Variants in PLGLB1 observed in about 807,000 individuals in gnomAD.
The protein encoded by PLGLB1 is plasminogen like B1.
chr2:87,020,924 A>G (rs1405917003), intron 1 of PLGLB1, among the ~76,000 whole-genome samples: 1 of 151,580 alleles, frequency 6.6e-6, no homozygotes, highest in Admixed American at 6.6e-5. Context: ...GCTTAAATCC[A>G]GTTTTCTTTA....
chr2:87,014,762 CTTATT>C (rs1226059683), intron 3 of PLGLB1, among the ~76,000 whole-genome samples: 2 of 117,362 alleles, frequency 1.7e-5, no homozygotes, highest in African/African-American at 6.2e-5. Flanking sequence ...GTCTTTGGGT[CTTATT>C]TTAAGGGCAC....
chr2:87,014,771 AG>A (rs1229494831), intron 3 of PLGLB1, among the ~76,000 whole-genome samples: 2 of 115,634 alleles, frequency 1.7e-5, no homozygotes, highest in African/African-American at 6.3e-5. Context: ...TCTTATTTTA[AG>A]GGCACTAGGA....
rs1682269068 is a variant in PLGLB1, at chr2:87,013,398, A to G, written c.*2-279T>C. 14 of 139,358 alleles carry G rather than the reference A, an allele frequency of 1.0e-4. No individual in the cohort carries two copies. The South Asian group carries it at 1.4e-3, about 14-fold the overall frequency. 8.6% of individuals were successfully genotyped at this position (139,358 alleles called of 1,614,324 possible). On this transcript the variant is annotated intron_variant, in intron 3 of 3. Transcript: ENST00000355705. The stretch of plus-strand genomic sequence containing the variant: ...CAGTGCAGCCAGAGGCTTGGCCATC[A>G]TAGAGCTCACATTCTAGTGGAATCA...
chr2:87,017,220 G>A (rs1316232517), intron 2 of PLGLB1, among the ~76,000 whole-genome samples: 6 of 133,286 alleles, frequency 4.5e-5, no homozygotes. Context: ...ATAAGTCATT[G>A]CTCAGATCTA....
In PLGLB1 at chr2:87,013,407, A is replaced by T. The variant is rs1351051689; in HGVS notation, c.*2-288T>A. 2.0e-4 allele frequency: 29 copies of T among 141,844 alleles called. No homozygotes were observed. The East Asian group carries it at 4.9e-3, about 24-fold the overall frequency. 8.8% of individuals were successfully genotyped at this position (141,844 alleles called of 1,614,324 possible). A position where few individuals can be genotyped will look rare whatever the true frequency, so the allele number is the denominator to read the frequency against. On this transcript the variant is annotated intron_variant, in intron 3 of 3. Coordinates refer to ENST00000355705, the MANE Select transcript of PLGLB1 (RefSeq NM_001032392.4). ...CAGAGGCTTGGCCATCATAGAGCTC[A>T]CATTCTAGTGGAATCAGACAGGGGG...
chr2:87,016,823 CCT>C (rs1682345081), intron 2 of PLGLB1, among the ~76,000 whole-genome samples: 1 of 137,686 alleles, frequency 7.3e-6, no homozygotes, highest in South Asian at 2.1e-4. Flanking sequence ...CACCCTGGCC[CCT>C]GACCCCTCCC....
chr2:87,019,114 G>C (rs370594996), intron 1 of PLGLB1, among the ~76,000 whole-genome samples: 9 of 112,366 alleles, frequency 8.0e-5, no homozygotes, highest in South Asian at 2.8e-4. Context: ...CTCCAGGGAA[G>C]ATGCGGTCAG....
intron 2 of PLGLB1, among the ~76,000 whole-genome samples, chr2:87,017,099 G>A (rs377432086): frequency 1.4e-5 from 2 of 145,008 alleles, no homozygotes; most frequent in East Asian, 2.0e-4. Context: ...TCTGGATCTG[G>A]GTAGAACATG....
chr2:87,017,663 A>G lies in PLGLB1; in HGVS notation c.75T>C (p.Tyr25=). 3.7e-5 allele frequency: 1 copy of G among 27,332 alleles called. No individual in the cohort carries two copies. The highest frequency in any genetic ancestry group is 6.5e-5 in the Non-Finnish European group (1 of 15,442). 1.7% of individuals were successfully genotyped at this position (27,332 alleles called of 1,614,324 possible). The change falls in exon 2 of 4, where the codon TAT becomes TAC. Residue 25 remains tyrosine (Y), a synonymous_variant. Transcript: ENST00000355705. ...KSGQGEPLDD[Y]VNTQGPSLFS... is the part of the protein sequence containing the mutation. The stretch of plus-strand genomic sequence containing the variant: ...ACAGTGAAGGCCCCTGGGTATTCAC[A>G]TAGTCATCCAGGGGCTCTCCTTGAC...
intron 1 of PLGLB1, among the ~76,000 whole-genome samples, chr2:87,020,728 A>G (rs1682401998): frequency 1.4e-5 from 2 of 142,354 alleles, no homozygotes; most frequent in South Asian, 2.1e-4. Context: ...AACTCTCAAT[A>G]TATTGAAATC....
At chr2:87,016,439 A>AT (rs1682338344) in intron 2 of PLGLB1, 31 bp from the exon 3 acceptor site, 2 of 398,006 alleles carry the variant, frequency 5.0e-6, no homozygotes, top group South Asian at 4.3e-5. Flanking sequence ...TCCAATAAGT[A>AT]TTTTTCTTTA....
intron 3 of PLGLB1, chr2:87,013,568 A>T (rs1310827407): frequency 1.2e-5 from 1 of 82,046 alleles, no homozygotes; most frequent in Non-Finnish European, 2.4e-5. Context: ...GGCTTTTCCG[A>T]GGCTGAAAGA....
chr2:87,016,882 A>G (rs1682346090), intron 2 of PLGLB1, among the ~76,000 whole-genome samples: 1 of 134,238 alleles, frequency 7.4e-6, no homozygotes, highest in South Asian at 2.3e-4. Context: ...TGGCATCCAT[A>G]GCTACTTTCC....
intron 2 of PLGLB1, among the ~76,000 whole-genome samples, chr2:87,017,244 C>A (rs1682353197): frequency 8.1e-6 from 1 of 123,576 alleles, no homozygotes; most frequent in Non-Finnish European, 1.8e-5. Flanking sequence ...AGGACACTTT[C>A]ATTCATATGA....
At chr2:87,020,972 C>T (rs1318666324) in intron 1 of PLGLB1, among the ~76,000 whole-genome samples, 2 of 152,042 alleles carry the variant, frequency 1.3e-5, no homozygotes, top group African/African-American at 4.8e-5. Flanking sequence ...GAGCAAATAA[C>T]ATGATTTTCC....
intron 3 of PLGLB1, among the ~76,000 whole-genome samples, chr2:87,014,738 G>A (rs2104875101): frequency 8.2e-6 from 1 of 122,542 alleles, no homozygotes; most frequent in Middle Eastern, 3.8e-3. Flanking sequence ...GCCGGGCCCT[G>A]GCACATTTGG....
chr2:87,017,488 T>C (rs1477075369), intron 2 of PLGLB1, 65 bp downstream of exon 2: 1 of 17,518 alleles, frequency 5.7e-5, no homozygotes, highest in Non-Finnish European at 1.5e-4. Flanking sequence ...TTAATAAATT[T>C]GTGAGTAAAT....
intron 3 of PLGLB1, among the ~76,000 whole-genome samples, chr2:87,014,666 A>G (rs1353233727): frequency 7.8e-6 from 1 of 128,788 alleles, no homozygotes; most frequent in Non-Finnish European, 1.7e-5. Flanking sequence ...AAGTAAGGCC[A>G]GAAACTTTGT....
At chr2:87,020,661 G>C (rs932635570) in intron 1 of PLGLB1, among the ~76,000 whole-genome samples, 1 of 118,756 alleles carries the variant, frequency 8.4e-6, no homozygotes, top group Non-Finnish European at 1.6e-5. Flanking sequence ...TAAGGAGAGT[G>C]GAGTGCGTTT....
Sources: gnomAD v4.1 joint callset for allele counts (sites outside exome capture counted in the v4.1 genomes callset) on GRCh38, gnomAD v4.1.1 for gene constraint, MANE v1.5 for transcripts, NCBI Gene and HGNC (gene_info 2026-07-23, HGNC 2026-07-21) for gene names.